Variants in MAN2A1 observed in about 807,000 individuals in gnomAD.
MAN2A1 encodes the protein alpha-mannosidase 2.
Under a neutral mutation model 142.6 loss-of-function variants are expected in MAN2A1, and 76 were observed. The ratio of observed to expected loss-of-function variants is 0.53; its 90% confidence interval spans 0.44 to 0.65. The LOEUF is 0.65. MAN2A1 is among the 30% of genes least tolerant of loss of function. The pLI, the probability that MAN2A1 is intolerant of heterozygous loss-of-function variation, is 0.00. For synonymous variants in MAN2A1, 559 were observed against 473.2 expected, an observed-to-expected ratio of 1.18 and a Z score of -2.35; for missense variants, 1,311 against 1,365.1, an observed-to-expected ratio of 0.96 and a Z score of 0.62.
intron 16 of MAN2A1, among the ~76,000 whole-genome samples, chr5:109,834,426 A>G (rs910732092): frequency 4.6e-5 from 4 of 87,786 alleles, no homozygotes; most frequent in African/African-American, 2.8e-4. Context: ...TCATAACATT[A>G]GTACTTTAAA....
intron 1 of MAN2A1, among the ~76,000 whole-genome samples, chr5:109,698,466 C>T (rs554296555): frequency 6.6e-6 from 1 of 152,338 alleles, no homozygotes; most frequent in South Asian, 2.1e-4. Flanking sequence ...TTGCAGTATA[C>T]TGAGTCCGAA....
chr5:109,703,492 C>A (rs1751045669), intron 1 of MAN2A1, among the ~76,000 whole-genome samples: 1 of 152,156 alleles, frequency 6.6e-6, no homozygotes, highest in South Asian at 2.1e-4. Flanking sequence ...ATCACATGAA[C>A]CTTCATGCAA....
At chr5:109,720,980 TG>T (rs1751586464) in intron 3 of MAN2A1, among the ~76,000 whole-genome samples, 1 of 152,216 alleles carries the variant, frequency 6.6e-6, no homozygotes, top group Non-Finnish European at 1.5e-5. Context: ...TTTTAGTTTC[TG>T]GAGCTAAAAT....
intron 4 of MAN2A1, among the ~76,000 whole-genome samples, chr5:109,741,283 A>G (rs1295609032): frequency 6.6e-6 from 1 of 152,174 alleles, no homozygotes; most frequent in East Asian, 1.9e-4. Context: ...GTAATAATTC[A>G]CTTTTATTCA....
intron 12 of MAN2A1, among the ~76,000 whole-genome samples, chr5:109,796,679 T>C (rs1033222597): frequency 6.6e-6 from 1 of 152,198 alleles, no homozygotes; most frequent in East Asian, 1.9e-4. Flanking sequence ...ATATTCTTTG[T>C]TGAAGAAAGA....
intron 3 of MAN2A1, among the ~76,000 whole-genome samples, chr5:109,717,396 G>A (rs1751486071): frequency 6.6e-6 from 1 of 152,102 alleles, no homozygotes; most frequent in Non-Finnish European, 1.5e-5. Flanking sequence ...CTTGGATATT[G>A]AAATGCTTGG....
intron 12 of MAN2A1, among the ~76,000 whole-genome samples, chr5:109,815,661 C>G (rs1420687954): frequency 3.3e-5 from 5 of 151,998 alleles, no homozygotes; most frequent in African/African-American, 1.2e-4. Context: ...CTTCATTTTT[C>G]CTGTTGTCTT....
chr5:109,835,241 G>A (rs574505677), intron 16 of MAN2A1, among the ~76,000 whole-genome samples: 1 of 152,252 alleles, frequency 6.6e-6, no homozygotes, highest in African/African-American at 2.4e-5. Context: ...ATATTGAAGA[G>A]GGAATATTCA....
At chr5:109,844,464 T>G (rs1755296113) in intron 17 of MAN2A1, among the ~76,000 whole-genome samples, 1 of 152,182 alleles carries the variant, frequency 6.6e-6, no homozygotes, top group Non-Finnish European at 1.5e-5. Flanking sequence ...AGAATTCTTT[T>G]AAGGTAGCTT....
intron 8 of MAN2A1, among the ~76,000 whole-genome samples, chr5:109,776,069 C>CTTTTTTTTTT (rs35427592): frequency 1.5e-5 from 2 of 134,942 alleles, no homozygotes; most frequent in Non-Finnish European, 3.2e-5. Flanking sequence ...CTTTTAAAGT[C>CTTTTTTTTTT]TTTTTTTTTT....
intron 20 of MAN2A1, 36 bp from the exon 21 acceptor site, chr5:109,865,000 G>GTCTGCGCGGTGTGAC: frequency 7.3e-7 from 1 of 1,371,106 alleles, no homozygotes; most frequent in South Asian, 1.2e-5. Flanking sequence ...TTGCTTTATT[G>GTCTGCGCGGTGTGAC]TCTGCGCGGT....
Position 109,856,392 on chromosome 5 carries a change from G to A in MAN2A1, c.3171+1058G>A, listed in dbSNP as rs540037793. Among the ~76,000 whole-genome samples, 14 of 152,242 alleles carry A rather than the reference G, an allele frequency of 9.2e-5. No individual in the cohort carries two copies. The East Asian group carries it at 2.3e-3, about 25-fold the overall frequency. On this transcript the variant is annotated intron_variant, in intron 20 of 21. Transcript: ENST00000261483. ...ATAAATCCTCTAGAGACAAGACAAA[G>A]AAGAAAGCACCTTCAGGCTTCCAAA...
At chr5:109,755,242 C>G in intron 4 of MAN2A1, 87 bp from the exon 5 acceptor site, 1 of 1,014,542 alleles carries the variant, frequency 9.9e-7, no homozygotes, top group Non-Finnish European at 1.5e-6. Context: ...TATTTAAAGG[C>G]TGTTCTTAAT....
chr5:109,818,201 C>T (rs561674663), intron 13 of MAN2A1, among the ~76,000 whole-genome samples: 2 of 152,066 alleles, frequency 1.3e-5, no homozygotes, highest in East Asian at 1.9e-4. Context: ...AGTGCAATGG[C>T]GCGATCTCGG....
chr5:109,767,942 T>C (rs1027776009), intron 6 of MAN2A1, among the ~76,000 whole-genome samples: 1 of 152,206 alleles, frequency 6.6e-6, no homozygotes, highest in African/African-American at 2.4e-5. Flanking sequence ...AGAAAGTAGA[T>C]AAATATAAGG....
chr5:109,723,823 C>A (rs1162128915), intron 3 of MAN2A1, among the ~76,000 whole-genome samples: 1 of 152,178 alleles, frequency 6.6e-6, no homozygotes, highest in Non-Finnish European at 1.5e-5. Flanking sequence ...GAACTACCAC[C>A]CTTTTTCTCT....
intron 8 of MAN2A1, among the ~76,000 whole-genome samples, chr5:109,779,390 CTTTG>C (rs1753384910): frequency 6.6e-6 from 1 of 151,802 alleles, no homozygotes; most frequent in African/African-American, 2.4e-5. Flanking sequence ...AAATAAAATC[CTTTG>C]TTTTATGTTT....
At chr5:109,800,630 A>T (rs1336816043) in intron 12 of MAN2A1, among the ~76,000 whole-genome samples, 1 of 152,256 alleles carries the variant, frequency 6.6e-6, no homozygotes, top group Non-Finnish European at 1.5e-5. Flanking sequence ...ATATAGAAAG[A>T]TTTTTAAAAG....
At chr5:109,703,068 A>G (rs1291869509) in intron 1 of MAN2A1, among the ~76,000 whole-genome samples, 2 of 152,232 alleles carry the variant, frequency 1.3e-5, no homozygotes, top group Admixed American at 6.5e-5. Context: ...GGGGTTGATT[A>G]TCTACTTAAT....
Sources: allele counts gnomAD v4.1 joint callset (sites outside exome capture counted in the v4.1 genomes callset), GRCh38; gene constraint gnomAD v4.1.1; transcripts MANE v1.5; gene names NCBI Gene and HGNC (gene_info 2026-07-23, HGNC 2026-07-21).